HSD17B12: variants seen among roughly 807,000 people sequenced by gnomAD.
HSD17B12 encodes the protein very-long-chain 3-oxoacyl-CoA reductase.
HSD17B12 carries 32 observed loss-of-function variants against 39.3 expected under a neutral mutation model. That is an observed-to-expected ratio of 0.81 (90% CI 0.61 to 1.09). HSD17B12 has a LOEUF of 1.09. HSD17B12 is among the 50% of genes least tolerant of loss of function. HSD17B12 has a pLI of 0.00. For missense variants in HSD17B12, 342 were observed against 382.9 expected, an observed-to-expected ratio of 0.89 and a Z score of 0.89; for synonymous variants, 150 against 146.7, an observed-to-expected ratio of 1.02 and a Z score of -0.16.
intron 3 of HSD17B12, among the ~76,000 whole-genome samples, chr11:43,767,994 G>A (rs969482343): frequency 6.6e-6 from 1 of 152,210 alleles, no homozygotes; most frequent in African/African-American, 2.4e-5. Flanking sequence ...TCTCTGTTTA[G>A]GAACTGCTGA....
At chr11:43,841,824 T>C (rs537869620) in intron 9 of HSD17B12, among the ~76,000 whole-genome samples, 90 of 152,318 alleles carry the variant, frequency 5.9e-4, no homozygotes, top group South Asian at 8.3e-4. Context: ...GGCAAGTATT[T>C]CACTTTTTGT....
At chr11:43,570,995 T>C in the HSD17B12 span, among the ~76,000 whole-genome samples, 1 of 152,222 alleles carries the variant, frequency 6.6e-6, no homozygotes, top group African/African-American at 2.4e-5. Flanking sequence ...TATTCCTCTA[T>C]GTCCCCCAGC....
chr11:43,778,352 C>T (rs998511491), intron 3 of HSD17B12, among the ~76,000 whole-genome samples: 1 of 152,162 alleles, frequency 6.6e-6, no homozygotes, highest in Non-Finnish European at 1.5e-5. Flanking sequence ...AATAGCTTAC[C>T]AACCAAAAGG....
chr11:43,823,422 C>T (rs1951202090), intron 6 of HSD17B12, among the ~76,000 whole-genome samples: 2 of 152,098 alleles, frequency 1.3e-5, no homozygotes, highest in South Asian at 4.1e-4. Context: ...AGGCATGCAC[C>T]ACCATGCCTA....
the HSD17B12 span, among the ~76,000 whole-genome samples, chr11:43,662,377 TTGTGTGTGTGTGTGTG>T: frequency 3.9e-5 from 5 of 128,480 alleles, no homozygotes; most frequent in Admixed American, 8.2e-5. Context: ...TTTATTTTAT[TTGTGTGTGTGTGTGTG>T]TGTGTGTGTG....
At chr11:43,780,328 G>T (rs1950752327) in intron 3 of HSD17B12, among the ~76,000 whole-genome samples, 1 of 152,040 alleles carries the variant, frequency 6.6e-6, no homozygotes, top group East Asian at 1.9e-4. Flanking sequence ...ACCATGCCAG[G>T]CTAATTTTTT....
chr11:43,652,521 C>A, the HSD17B12 span, among the ~76,000 whole-genome samples: 1 of 152,180 alleles, frequency 6.6e-6, no homozygotes, highest in South Asian at 2.1e-4. Flanking sequence ...AAGACTGCCA[C>A]CACCCTTCAG....
the HSD17B12 span, among the ~76,000 whole-genome samples, chr11:43,572,343 T>C: frequency 1.3e-5 from 2 of 152,176 alleles, no homozygotes; most frequent in African/African-American, 4.8e-5. Flanking sequence ...GCTAACAGGC[T>C]TCTTAGGAGG....
At chr11:43,655,208 T>G in the HSD17B12 span, among the ~76,000 whole-genome samples, 4 of 152,228 alleles carry the variant, frequency 2.6e-5, no homozygotes, top group South Asian at 6.2e-4. Flanking sequence ...TCTCTGTTTG[T>G]CTGTTATTGG....
intron 4 of HSD17B12, among the ~76,000 whole-genome samples, chr11:43,814,032 A>G (rs1951098053): frequency 6.6e-6 from 1 of 152,144 alleles, no homozygotes; most frequent in South Asian, 2.1e-4. Flanking sequence ...TATATGGCAT[A>G]ATTCCTTATA....
chr11:43,784,496 T>G (rs758695692), intron 3 of HSD17B12, among the ~76,000 whole-genome samples: 1 of 151,998 alleles, frequency 6.6e-6, no homozygotes, highest in Non-Finnish European at 1.5e-5. Context: ...GTCTCCTTCC[T>G]TATTCCCCCC....
chr11:43,828,074 C>A lies in HSD17B12; in HGVS notation c.502-2902C>A, dbSNP rs187424085. Among the ~76,000 whole-genome samples, 207 of 151,630 alleles carry A rather than the reference C, an allele frequency of 1.4e-3. 1 individual carries two copies. Among genetic ancestry groups the A allele is most frequent in the African/African-American group, 4.8e-3 (199 of 41,312 alleles). ...TGTATATAAAGAGGAAACACTTTCCCTGCAAGGACAAGGATTTCACACTCT... is the reference window on the plus strand; with the variant it reads ...TGTATATAAAGAGGAAACACTTTCCATGCAAGGACAAGGATTTCACACTCT... On this transcript the variant is annotated intron_variant, in intron 6 of 10. Coordinates refer to ENST00000278353, the MANE Select transcript of HSD17B12 (RefSeq NM_016142.3).
the HSD17B12 span, among the ~76,000 whole-genome samples, chr11:43,615,223 T>A: frequency 2.0e-5 from 3 of 152,218 alleles, no homozygotes; most frequent in East Asian, 5.8e-4. Context: ...ATTCATAAGA[T>A]CTGCCTTTTG....
chr11:43,605,633 A>G, the HSD17B12 span, among the ~76,000 whole-genome samples: 3 of 151,792 alleles, frequency 2.0e-5, no homozygotes, highest in African/African-American at 7.3e-5. Flanking sequence ...TGTCTCAGGC[A>G]ACTTGCTCAA....
At chr11:43,854,301 G>A (rs1951560926) in intron 9 of HSD17B12, 1 of 156,356 alleles carries the variant, frequency 6.4e-6, no homozygotes, top group African/African-American at 2.4e-5. Flanking sequence ...ATAAATTATG[G>A]AGAAAGTTGG....
chr11:43,632,553 G>A, the HSD17B12 span, among the ~76,000 whole-genome samples: 3 of 151,972 alleles, frequency 2.0e-5, no homozygotes, highest in Non-Finnish European at 4.4e-5. Context: ...TCCTTTAAAG[G>A]ATTTATTTAG....
chr11:43,674,856 G>A, the HSD17B12 span, among the ~76,000 whole-genome samples: 3 of 152,172 alleles, frequency 2.0e-5, no homozygotes, highest in South Asian at 2.1e-4. Flanking sequence ...TTAGAAAGGC[G>A]TTTCAAGGCT....
chr11:43,724,297 G>C (rs912259386), intron 1 of HSD17B12, among the ~76,000 whole-genome samples: 13 of 151,110 alleles, frequency 8.6e-5, no homozygotes, highest in Middle Eastern at 3.4e-3. Flanking sequence ...ACAAGGGACT[G>C]GCATAAAATA....
the HSD17B12 span, among the ~76,000 whole-genome samples, chr11:43,617,290 C>T: frequency 6.6e-6 from 1 of 152,102 alleles, no homozygotes; most frequent in Admixed American, 6.6e-5. Context: ...TGTGATGACC[C>T]ATCTTTTGGA....
Sources: allele counts gnomAD v4.1 joint callset (sites outside exome capture counted in the v4.1 genomes callset), GRCh38; gene constraint gnomAD v4.1.1; transcripts MANE v1.5; gene names NCBI Gene and HGNC (gene_info 2026-07-23, HGNC 2026-07-21).